TMEM178A: variants seen among roughly 807,000 people sequenced by gnomAD.
The protein encoded by TMEM178A is transmembrane protein 178A.
Under a neutral mutation model 29.1 loss-of-function variants are expected in TMEM178A, and 12 were observed. The observed-to-expected ratio is 0.41, with a 90% CI of 0.26 to 0.67. TMEM178A has a LOEUF of 0.67. Ranked by LOEUF, TMEM178A falls within the 30% of genes least tolerant of loss-of-function variation. The probability of loss-of-function intolerance (pLI) is 0.29; values close to 1 mark genes in which losing one functional copy is unlikely to be tolerated. For missense variants in TMEM178A, 366 were observed against 419.1 expected (o/e 0.87, Z 1.11); for synonymous variants, 210 against 187.2 (o/e 1.12, Z -0.99).
chr2:39,680,316 G>A (rs529878284), intron 1 of TMEM178A, among the ~76,000 whole-genome samples: 1 of 152,296 alleles, frequency 6.6e-6, no homozygotes, highest in South Asian at 2.1e-4. Flanking sequence ...CTCTAGAAGT[G>A]GGTAAGCATT....
chr2:39,666,124 C>T lies in TMEM178A; in HGVS notation c.150C>T (p.Ala50=). The change falls in exon 1 of 4, where the codon GCC becomes GCT. Residue 50 remains alanine, a synonymous_variant. Coordinates refer to ENST00000281961, the MANE Select transcript of TMEM178A (RefSeq NM_152390.3). ...GCTGCGAGCGCAGCCGCGCGGGCGC[C>T]GACCCCCCGGACCAGAAGAACCGCC... ...KESCERSRAG[A]DPPDQKNRLM... The T allele has an allele frequency of 1.3e-6, 2 of 1,548,014 alleles. No homozygotes were observed. Among genetic ancestry groups the T allele is most frequent in the South Asian group, 1.2e-5 (1 of 84,130 alleles).
chr2:39,685,463 G>A (rs907906569), intron 1 of TMEM178A, among the ~76,000 whole-genome samples: 9 of 152,138 alleles, frequency 5.9e-5, no homozygotes, highest in Admixed American at 2.0e-4. Flanking sequence ...TTTCAATAAT[G>A]CCCCTGTCCT....
intron 1 of TMEM178A, among the ~76,000 whole-genome samples, chr2:39,675,902 C>T (rs1161672807): frequency 6.6e-6 from 1 of 151,728 alleles, no homozygotes; most frequent in African/African-American, 2.4e-5. Context: ...ACCTCAGCTT[C>T]TGGAGTAGCT....
At chr2:39,674,307 G>T (rs1458285318) in intron 1 of TMEM178A, among the ~76,000 whole-genome samples, 2 of 152,190 alleles carry the variant, frequency 1.3e-5, no homozygotes, top group African/African-American at 4.8e-5. Flanking sequence ...AAGAAACTGT[G>T]TGTACACAAT....
At chr2:39,697,792 T>G (rs1671610281) in intron 1 of TMEM178A, 1 of 152,654 alleles carries the variant, frequency 6.6e-6, no homozygotes, top group African/African-American at 2.4e-5. Flanking sequence ...TTACTCTTCT[T>G]GCCCACTGGG....
intron 1 of TMEM178A, among the ~76,000 whole-genome samples, chr2:39,675,184 G>C (rs1029431354): frequency 6.6e-6 from 1 of 152,136 alleles, no homozygotes; most frequent in African/African-American, 2.4e-5. Flanking sequence ...TTTTTGTATA[G>C]AAGATGTAGG....
In TMEM178A at chr2:39,672,139, C is replaced by T. The variant is rs563874043; in HGVS notation, c.400+5765C>T. 3.3e-5 allele frequency among the ~76,000 whole-genome samples: 5 copies of T among 152,290 alleles called. No individual in the cohort carries two copies. In the South Asian group the frequency reaches 1.0e-3, roughly 32 times the overall value. On this transcript the variant is annotated intron_variant, in intron 1 of 3. Coordinates refer to ENST00000281961, the MANE Select transcript of TMEM178A (RefSeq NM_152390.3). ...TTTCAACACATTCTATTGCTAACAT[C>T]ATGAAGGTTATCTTGAATAGAAATT...
chr2:39,680,578 AT>A lies in TMEM178A; in HGVS notation c.400+14206del, dbSNP rs1670826292. Among the ~76,000 whole-genome samples, 3 of 152,188 alleles carry A rather than the reference AT, an allele frequency of 2.0e-5. No homozygotes were observed. In the South Asian group the frequency reaches 6.2e-4, roughly 32 times the overall value. ...TTTTTCTTAGATGATTTCATAGGGA[AT>A]TGATAATAAGTTATACCTGGTGTCA... On this transcript the variant is annotated intron_variant, in intron 1 of 3. Transcript: ENST00000281961.
In TMEM178A at chr2:39,691,073, TG is replaced by T. The variant is rs541883852; in HGVS notation, c.401-13007del. Reference sequence around the variant, plus strand: ...AACAAAAGAATGAAAAAGTGAAGAATGTATCTGTGACATATGGGATAGTATC... The same window carrying T: ...AACAAAAGAATGAAAAAGTGAAGAATTATCTGTGACATATGGGATAGTATC... On this transcript the variant is annotated intron_variant, in intron 1 of 3. Coordinates refer to ENST00000281961, the MANE Select transcript of TMEM178A (RefSeq NM_152390.3). Among the ~76,000 whole-genome samples the T allele has an allele frequency of 2.6e-3, 397 of 152,244 alleles. 3 individuals are homozygous for T. The highest frequency in any genetic ancestry group is 2.9e-3 in the Non-Finnish European group (197 of 68,006).
intron 1 of TMEM178A, among the ~76,000 whole-genome samples, chr2:39,699,754 C>T (rs78774805): frequency 0.04 from 6,104 of 152,148 alleles, 369 homozygotes; most frequent in African/African-American, 0.13. Flanking sequence ...CTGTGCCAGG[C>T]GAGATCTTTT....
intron 1 of TMEM178A, among the ~76,000 whole-genome samples, chr2:39,681,361 G>GTATA (rs1005620222): frequency 5.6e-4 from 86 of 152,306 alleles, no homozygotes; most frequent in African/African-American, 2.0e-3. Flanking sequence ...AAGACAGAAT[G>GTATA]TATATGATCT....
intron 1 of TMEM178A, among the ~76,000 whole-genome samples, chr2:39,684,704 G>A (rs1355802620): frequency 6.6e-6 from 1 of 152,096 alleles, no homozygotes; most frequent in Non-Finnish European, 1.5e-5. Context: ...GGGGGAGGGA[G>A]CTCTTCTCCC....
At chr2:39,718,487 A>T (rs1672631183), downstream of TMEM178A, among the ~76,000 whole-genome samples, 1 of 152,224 alleles carries the variant, frequency 6.6e-6, no homozygotes, top group South Asian at 2.1e-4. Context: ...GCTGTGATTG[A>T]GAGCCACTCA....
downstream of TMEM178A, among the ~76,000 whole-genome samples, chr2:39,719,426 G>A (rs1672658783): frequency 6.6e-6 from 1 of 152,204 alleles, no homozygotes; most frequent in African/African-American, 2.4e-5. Context: ...AGCCAGGGGA[G>A]TTCACTTAGG....
chr2:39,733,383 C>T, the TMEM178A span, among the ~76,000 whole-genome samples: 6 of 152,140 alleles, frequency 3.9e-5, no homozygotes, highest in Non-Finnish European at 8.8e-5. Flanking sequence ...AGCAGCTGAA[C>T]GTGAAGGATG....
At chr2:39,700,289 A>G (rs1471429593) in intron 1 of TMEM178A, among the ~76,000 whole-genome samples, 1 of 152,140 alleles carries the variant, frequency 6.6e-6, no homozygotes, top group Non-Finnish European at 1.5e-5. Context: ...TCCAACTATT[A>G]TTTTGAATTG....
downstream of TMEM178A, among the ~76,000 whole-genome samples, chr2:39,720,477 C>T (rs1307955735): frequency 2.6e-5 from 4 of 152,196 alleles, no homozygotes; most frequent in African/African-American, 9.7e-5. Flanking sequence ...CCCTCCTCTG[C>T]CTGGCTTATT....
chr2:39,708,071 A>C (rs1672117480), intron 3 of TMEM178A, among the ~76,000 whole-genome samples: 1 of 152,230 alleles, frequency 6.6e-6, no homozygotes, highest in Non-Finnish European at 1.5e-5. Flanking sequence ...GAGAGACATA[A>C]ACAATGATTT....
chr2:39,684,361 TC>T, intron 1 of TMEM178A, among the ~76,000 whole-genome samples: 1 of 152,288 alleles, frequency 6.6e-6, no homozygotes, highest in East Asian at 1.9e-4. Context: ...AAAAAAATAA[TC>T]TGTTATCCTG....
Sources: allele counts gnomAD v4.1 joint callset (sites outside exome capture counted in the v4.1 genomes callset), GRCh38; gene constraint gnomAD v4.1.1; transcripts MANE v1.5; gene names NCBI Gene and HGNC (gene_info 2026-07-23, HGNC 2026-07-21).